The following STMN2 variants were observed in gnomAD, a reference collection of about 807,000 sequenced individuals.
The protein encoded by STMN2 is stathmin 2, also known as stathmin-2.
Under a neutral mutation model 24.1 loss-of-function variants are expected in STMN2, and 2 were observed. The ratio of observed to expected loss-of-function variants is 0.08; its 90% CI spans 0.03 to 0.26. The LOEUF (loss-of-function observed/expected upper bound fraction) is 0.26. Ranked by LOEUF, STMN2 falls within the 10% of genes least tolerant of loss-of-function variation. STMN2 has a pLI of 1.00. For synonymous variants in STMN2, 83 were observed against 77.5 expected, an observed-to-expected ratio of 1.07 and a Z score of -0.37; for missense variants, 114 against 213.6, an observed-to-expected ratio of 0.53 and a Z score of 2.91.
chr8:79,639,755 T>C (rs541109887), intron 2 of STMN2, among the ~76,000 whole-genome samples: 32 of 152,352 alleles, frequency 2.1e-4, no homozygotes, highest in Admixed American at 3.9e-4. Context: ...TTGAAATATG[T>C]ATACATTAGA....
chr8:79,641,624 G>GCTCTCA, intron 3 of STMN2, 74 bp downstream of exon 3: 1 of 476,322 alleles, frequency 2.1e-6, no homozygotes, highest in Non-Finnish European at 3.4e-6. Context: ...GGGCACACAT[G>GCTCTCA]CACGCACACA....
At chr8:79,623,606 A>T (rs1439325857) in intron 1 of STMN2, among the ~76,000 whole-genome samples, 1 of 152,238 alleles carries the variant, frequency 6.6e-6, no homozygotes, top group Non-Finnish European at 1.5e-5. Context: ...GCATATAAAA[A>T]TGCTCAATAT....
At chr8:79,623,704 T>C (rs1190726724) in intron 1 of STMN2, among the ~76,000 whole-genome samples, 1 of 152,156 alleles carries the variant, frequency 6.6e-6, no homozygotes, top group Non-Finnish European at 1.5e-5. Flanking sequence ...ACAAGGAGCT[T>C]TATATGAAAG....
chr8:79,612,001 G>T (rs1007499103), intron 1 of STMN2, among the ~76,000 whole-genome samples: 4 of 152,138 alleles, frequency 2.6e-5, no homozygotes, highest in Non-Finnish European at 4.4e-5. Context: ...AGCGGTCCCG[G>T]GGGGAGGCAC....
chr8:79,647,318 T>C (rs554059664), intron 3 of STMN2, among the ~76,000 whole-genome samples: 10 of 152,334 alleles, frequency 6.6e-5, no homozygotes, highest in Admixed American at 5.9e-4. Flanking sequence ...AATATACAGA[T>C]AGACATGGCT....
At chr8:79,663,646 G>A (rs1480733059) in intron 4 of STMN2, 1 of 1,528,776 alleles carries the variant, frequency 6.5e-7, no homozygotes, top group South Asian at 1.2e-5. Context: ...GCTTCAGAGG[G>A]AAGGAGAGAA....
chr8:79,649,351 A>T (rs903184603), intron 3 of STMN2, among the ~76,000 whole-genome samples: 3 of 152,100 alleles, frequency 2.0e-5, no homozygotes, highest in Admixed American at 1.3e-4. Context: ...AACCACAGTA[A>T]ACCCATTACA....
At chr8:79,611,517 TTAAC>T (rs1809219492) in intron 1 of STMN2, among the ~76,000 whole-genome samples, 1 of 152,140 alleles carries the variant, frequency 6.6e-6, no homozygotes. Flanking sequence ...GGAAGCTACC[TTAAC>T]TGTTTGCCTT....
At chr8:79,640,803 CA>C (rs1323383705) in intron 2 of STMN2, among the ~76,000 whole-genome samples, 2 of 152,192 alleles carry the variant, frequency 1.3e-5, no homozygotes, top group Non-Finnish European at 2.9e-5. Context: ...TTGACTTTGC[CA>C]AATATGCCCA....
At chr8:79,620,749 T>A (rs1242218792) in intron 1 of STMN2, among the ~76,000 whole-genome samples, 1 of 151,890 alleles carries the variant, frequency 6.6e-6, no homozygotes, top group East Asian at 1.9e-4. Context: ...ATTTAATGAG[T>A]CCATCAACCA....
At chr8:79,620,621 C>T (rs1262096852) in intron 1 of STMN2, among the ~76,000 whole-genome samples, 2 of 152,130 alleles carry the variant, frequency 1.3e-5, no homozygotes, top group African/African-American at 4.8e-5. Context: ...CTCACAATTT[C>T]ACCATCTTAA....
At chr8:79,644,045 T>A (rs1810166631) in intron 3 of STMN2, among the ~76,000 whole-genome samples, 1 of 152,188 alleles carries the variant, frequency 6.6e-6, no homozygotes, top group South Asian at 2.1e-4. Context: ...AAAAAATCAC[T>A]AATTGATTTT....
At chr8:79,614,608 G>A (rs944623461) in intron 1 of STMN2, among the ~76,000 whole-genome samples, 9 of 152,172 alleles carry the variant, frequency 5.9e-5, no homozygotes, top group African/African-American at 1.9e-4. Flanking sequence ...GTCTATGCAC[G>A]TTAAAATTCT....
At chr8:79,620,520 A>G (rs1020244945) in intron 1 of STMN2, among the ~76,000 whole-genome samples, 6 of 152,110 alleles carry the variant, frequency 3.9e-5, no homozygotes, top group African/African-American at 1.4e-4. Flanking sequence ...CCCTTGGTGG[A>G]TTTAGTCTTT....
intron 2 of STMN2, among the ~76,000 whole-genome samples, chr8:79,639,767 A>C (rs1342490255): frequency 6.6e-6 from 1 of 152,216 alleles, no homozygotes; most frequent in African/African-American, 2.4e-5. Context: ...TACATTAGAG[A>C]ATGGCTAAGT....
chr8:79,654,630 GCTT>G (rs1264395915), intron 3 of STMN2, among the ~76,000 whole-genome samples: 1 of 152,108 alleles, frequency 6.6e-6, no homozygotes, highest in African/African-American at 2.4e-5. Context: ...AGGATTAAAT[GCTT>G]CTTCTTCTAA....
chr8:79,621,295 A>G (rs993497781), intron 1 of STMN2, among the ~76,000 whole-genome samples: 2 of 152,226 alleles, frequency 1.3e-5, no homozygotes, highest in African/African-American at 2.4e-5. Flanking sequence ...AGTGTCTGTC[A>G]AGTAGTATAT....
At chr8:79,613,472 A>G (rs1441125434) in intron 1 of STMN2, 1 of 985,346 alleles carries the variant, frequency 1.0e-6, no homozygotes, top group Non-Finnish European at 1.2e-6. Flanking sequence ...CACAATTCGC[A>G]GTTCACTCGC....
intron 1 of STMN2, among the ~76,000 whole-genome samples, chr8:79,624,453 CAAAAAAAA>C (rs1011493193): frequency 8.9e-5 from 4 of 45,132 alleles, no homozygotes; most frequent in Admixed American, 5.2e-4. Flanking sequence ...GACTCCGTCT[CAAAAAAAA>C]AAAAAAAAAA....
Sources: gnomAD v4.1 joint callset for allele counts (sites outside exome capture counted in the v4.1 genomes callset) on GRCh38, gnomAD v4.1.1 for gene constraint, MANE v1.5 for transcripts, NCBI Gene and HGNC (gene_info 2026-07-23, HGNC 2026-07-21) for gene names.